Variants in TMTC1 observed in about 807,000 individuals in gnomAD.
TMTC1 encodes transmembrane O-mannosyltransferase targeting cadherins 1, also known as protein O-mannosyl-transferase TMTC1.
TMTC1 carries 73 observed loss-of-function variants against 104.8 expected under a neutral mutation model. The observed-to-expected ratio is 0.70, with a 90% CI of 0.58 to 0.85. TMTC1 has a LOEUF of 0.85. Ranked by LOEUF, TMTC1 falls within the 40% of genes least tolerant of loss-of-function variation. The pLI, the probability that TMTC1 is intolerant of heterozygous loss-of-function variation, is 0.00. For synonymous variants in TMTC1, 434 were observed against 428.7 expected (o/e 1.01, Z -0.15); for missense variants, 1,035 against 1,096.1 (o/e 0.94, Z 0.79).
intron 5 of TMTC1, among the ~76,000 whole-genome samples, chr12:29,642,014 C>A (rs771964055): frequency 6.6e-6 from 1 of 151,924 alleles, no homozygotes; most frequent in African/African-American, 2.4e-5. Context: ...ACAAGGTCTT[C>A]GAATTAATCC....
chr12:29,508,798 A>C (rs1425477231), intron 17 of TMTC1, among the ~76,000 whole-genome samples: 1 of 152,060 alleles, frequency 6.6e-6, no homozygotes, highest in African/African-American at 2.4e-5. Context: ...GGCTGTTCTC[A>C]AACCCCCGAC....
chr12:29,751,572 T>C, intron 5 of TMTC1, 94 bp downstream of exon 5: 2 of 1,319,840 alleles, frequency 1.5e-6, no homozygotes, highest in South Asian at 2.4e-5. Context: ...CACAGTGTGC[T>C]GACTCAGTGC....
chr12:29,678,731 GA>G (rs35593365), intron 5 of TMTC1, among the ~76,000 whole-genome samples: 12,001 of 152,046 alleles, frequency 0.079, 674 homozygotes, highest in South Asian at 0.17. Flanking sequence ...TCATCTTTTG[GA>G]AACAAATGTG....
At chr12:29,666,836 TC>T (rs1464205316) in intron 5 of TMTC1, among the ~76,000 whole-genome samples, 1 of 152,156 alleles carries the variant, frequency 6.6e-6, no homozygotes, top group Non-Finnish European at 1.5e-5. Flanking sequence ...TAGCAACAAA[TC>T]ATAAACAGTG....
rs1943709653 is a variant in TMTC1 at position 29,506,996 on chromosome 12, G to A, written c.2509-10C>T. The stretch of plus-strand genomic sequence containing the variant: ...CAGACACATATTTTCCCTGGGGGTG[G>A]GAAAGAGGGAGCAATTACATTCTGA... On this transcript the variant is annotated splice_polypyrimidine_tract_variant and intron_variant, in intron 17 of 17. Transcript: ENST00000539277. 2.5e-6 allele frequency: 4 copies of A among 1,611,602 alleles called. No individual in the cohort carries two copies. In the South Asian group the frequency reaches 3.3e-5, roughly 13 times the overall value.
intron 5 of TMTC1, among the ~76,000 whole-genome samples, chr12:29,698,561 T>A (rs989834337): frequency 2.0e-5 from 3 of 152,182 alleles, no homozygotes; most frequent in Admixed American, 2.0e-4. Context: ...TGGTCTTATG[T>A]TTCTAAGTTA....
intron 1 of TMTC1, among the ~76,000 whole-genome samples, chr12:29,775,965 A>G (rs1267522274): frequency 6.6e-6 from 1 of 152,196 alleles, no homozygotes; most frequent in Non-Finnish European, 1.5e-5. Flanking sequence ...CCAAGGGATC[A>G]GAAGTTTCCT....
At chr12:29,768,096 GA>G (rs141960548) in intron 1 of TMTC1, 21 bp from the exon 2 acceptor site, 25,537 of 1,522,502 alleles carry the variant, frequency 0.017, 253 homozygotes, top group Non-Finnish European at 0.019. Flanking sequence ...AAAGAAAAAA[GA>G]AAAAAACTGC....
Position 29,612,906 on chromosome 12 carries a change from T to G in TMTC1, c.1129-8607A>C, listed in dbSNP as rs1946881958. Among the ~76,000 whole-genome samples, 4 of 152,234 alleles carry G rather than the reference T, an allele frequency of 2.6e-5. No homozygotes were observed. The South Asian group carries it at 8.3e-4, about 31-fold the overall frequency. On this transcript the variant is annotated intron_variant, in intron 6 of 17. Transcript: ENST00000539277. Reference sequence around the variant, plus strand: ...ATGAAATCAAATACTGTAATGAAACTGCCCTTCTTAGTAAGGAAAGTGAAG... The same window carrying G: ...ATGAAATCAAATACTGTAATGAAACGGCCCTTCTTAGTAAGGAAAGTGAAG...
At chr12:29,559,908 A>G (rs992991410) in intron 9 of TMTC1, among the ~76,000 whole-genome samples, 1 of 152,236 alleles carries the variant, frequency 6.6e-6, no homozygotes. Flanking sequence ...CAACCAGGTC[A>G]GGAAAAATAT....
intron 1 of TMTC1, among the ~76,000 whole-genome samples, chr12:29,774,890 C>G (rs1344515902): frequency 6.6e-6 from 1 of 152,228 alleles, no homozygotes; most frequent in Non-Finnish European, 1.5e-5. Context: ...GATTGATACT[C>G]TGCAGCTGAA....
At chr12:29,513,452 ATTCTGAGAAAAATGCCACAAT>A (rs1482812732) in intron 16 of TMTC1, among the ~76,000 whole-genome samples, 2 of 152,162 alleles carry the variant, frequency 1.3e-5, no homozygotes, top group African/African-American at 4.8e-5. Context: ...AATCCTACAA[ATTCTGAGAAAAATGCCACAAT>A]TTCTGTTTTT....
At chr12:29,526,271 T>C (rs1184593327) in intron 11 of TMTC1, among the ~76,000 whole-genome samples, 2 of 152,180 alleles carry the variant, frequency 1.3e-5, no homozygotes, top group African/African-American at 4.8e-5. Flanking sequence ...TTGAAGGACT[T>C]TGGAAGGACC....
At chr12:29,519,491 T>C (rs1420665509) in intron 12 of TMTC1, 1 of 152,220 alleles carries the variant, frequency 6.6e-6, no homozygotes, top group Non-Finnish European at 1.5e-5. Flanking sequence ...AACTACACTT[T>C]AGAACACTGT....
At chr12:29,711,148 ATTTATTATTTTTGTAGAGACAGG>A (rs1409149832) in intron 5 of TMTC1, among the ~76,000 whole-genome samples, 4 of 151,174 alleles carry the variant, frequency 2.6e-5, no homozygotes, top group African/African-American at 9.7e-5. Flanking sequence ...ATGCCTGGGT[ATTTATTATTTTTGTAGAGACAGG>A]GTCTCACTGT....
In TMTC1 at chr12:29,556,836, G is replaced by A. The variant is rs535819748; in HGVS notation, c.1676+21C>T. The A allele has an allele frequency of 3.6e-5, 58 of 1,612,878 alleles. 1 individual carries two copies. The highest frequency in any genetic ancestry group is 2.3e-4 in the South Asian group (21 of 90,784). ...CTTGGAATCGCAAGGCCACCTGATC[G>A]ATGGTAAACGTCCCACTTACTTGAG... On this transcript the variant is annotated intron_variant, in intron 10 of 17. Transcript: ENST00000539277.
rs111233085 is a variant in TMTC1, at chr12:29,659,944, C to T, written c.939-26608G>A. 336 of 1,535,980 alleles carry T rather than the reference C, an allele frequency of 2.2e-4. 1 individual carries two copies. The highest frequency in any genetic ancestry group is 2.6e-4 in the African/African-American group (19 of 73,160). On this transcript the variant is annotated intron_variant, in intron 5 of 17. Coordinates refer to ENST00000539277, the MANE Select transcript of TMTC1 (RefSeq NM_001193451.2). ...TGCTCTGAAAAGAGGGGCATAGATC[C>T]TCCCATTATCCACAGACGGAAGTAC... is the stretch of plus-strand genomic sequence containing the variant.
intron 8 of TMTC1, among the ~76,000 whole-genome samples, chr12:29,582,696 A>G (rs1352609060): frequency 6.6e-6 from 1 of 152,152 alleles, no homozygotes; most frequent in Admixed American, 6.5e-5. Context: ...TTTGCCCCCA[A>G]AGAATAAGTG....
intron 12 of TMTC1, among the ~76,000 whole-genome samples, 159 bp from the exon 13 acceptor site, chr12:29,518,766 T>C (rs1371104730): frequency 6.6e-6 from 1 of 152,260 alleles, no homozygotes; most frequent in Non-Finnish European, 1.5e-5. Flanking sequence ...CTTCTCATCC[T>C]GGCCATTGCC....
Sources: gnomAD v4.1 joint callset for allele counts (sites outside exome capture counted in the v4.1 genomes callset) on GRCh38, gnomAD v4.1.1 for gene constraint, MANE v1.5 for transcripts, NCBI Gene and HGNC (gene_info 2026-07-23, HGNC 2026-07-21) for gene names.